The following SYN3 variants were observed in gnomAD, a reference collection of about 807,000 sequenced individuals.
The protein encoded by SYN3 is synapsin III.
SYN3 carries 35 observed loss-of-function variants against 65.8 expected under a neutral mutation model. The ratio of observed to expected loss-of-function variants is 0.53; its 90% CI spans 0.41 to 0.70. The LOEUF (loss-of-function observed/expected upper bound fraction) is 0.70. SYN3 is among the 30% of genes least tolerant of loss of function. The probability of loss-of-function intolerance (pLI) is 0.00; values close to 1 mark genes in which losing one functional copy is unlikely to be tolerated. For missense variants in SYN3, 680 were observed against 749.0 expected, an observed-to-expected ratio of 0.91 and a Z score of 1.08; for synonymous variants, 270 against 292.9, an observed-to-expected ratio of 0.92 and a Z score of 0.80.
intron 7 of SYN3, among the ~76,000 whole-genome samples, chr22:32,556,832 TTTTG>T (rs2058509032): frequency 1.5e-5 from 2 of 132,872 alleles, no homozygotes; most frequent in African/African-American, 5.6e-5. Flanking sequence ...TTTTTTTTTT[TTTTG>T]TGTGTAGAGA....
At chr22:33,041,171 C>T (rs1039965725) in intron 1 of SYN3, among the ~76,000 whole-genome samples, 1 of 152,146 alleles carries the variant, frequency 6.6e-6, no homozygotes, top group Non-Finnish European at 1.5e-5. Flanking sequence ...CCTGCCTCGG[C>T]CTCCCAAAGG....
At chr22:33,017,295 T>C (rs571037226) in intron 1 of SYN3, among the ~76,000 whole-genome samples, 8 of 152,376 alleles carry the variant, frequency 5.3e-5, no homozygotes, top group African/African-American at 1.9e-4. Context: ...TTTTGATTAC[T>C]ATAGCTTTGT....
intron 6 of SYN3, among the ~76,000 whole-genome samples, chr22:32,607,146 T>C (rs2059384002): frequency 6.6e-6 from 1 of 151,946 alleles, no homozygotes; most frequent in Admixed American, 6.6e-5. Context: ...CACAGTCTGC[T>C]CATCTGTTCT....
At chr22:32,799,518 T>C (rs763968241) in intron 6 of SYN3, among the ~76,000 whole-genome samples, 4 of 152,136 alleles carry the variant, frequency 2.6e-5, no homozygotes, top group Non-Finnish European at 5.9e-5. Context: ...AGGCCTTCCG[T>C]TGGAGAAAAT....
intron 1 of SYN3, among the ~76,000 whole-genome samples, chr22:33,053,575 T>C (rs1021546164): frequency 1.3e-5 from 2 of 152,240 alleles, no homozygotes; most frequent in East Asian, 1.9e-4. Context: ...ACAGAAAACA[T>C]AGACTCTCTT....
At chr22:32,586,715 C>T (rs1026125742) in intron 7 of SYN3, among the ~76,000 whole-genome samples, 9 of 151,970 alleles carry the variant, frequency 5.9e-5, no homozygotes, top group African/African-American at 1.7e-4. Flanking sequence ...AAAACTGCTG[C>T]GAGATTTCAT....
chr22:32,940,387 A>AT (rs137562), intron 3 of SYN3, among the ~76,000 whole-genome samples: 108,533 of 151,578 alleles, frequency 0.72, 39,113 homozygotes, highest in East Asian at 0.96. Context: ...ACAATTTAGT[A>AT]TTTTTTTTAC....
rs1263262798 is a variant in SYN3, at chr22:32,953,530, C to T, written c.370-22049G>A. 3.0e-4 allele frequency among the ~76,000 whole-genome samples: 10 copies of T among 33,042 alleles called. 1 individual carries two copies. The South Asian group carries it at 7.6e-3, about 25-fold the overall frequency. 21.7% of individuals were successfully genotyped at this position (33,042 alleles called of 152,430 possible). ...GGTAGCAAAACCTATTAATAAGGGG[C>T]GGGGGAGGGGGCTTTCCAGGCAGAG... On this transcript the variant is annotated intron_variant, in intron 3 of 13. Coordinates refer to ENST00000358763, the MANE Select transcript of SYN3 (RefSeq NM_003490.4).
At chr22:32,768,783 T>C (rs1226263091) in intron 6 of SYN3, among the ~76,000 whole-genome samples, 3 of 152,298 alleles carry the variant, frequency 2.0e-5, no homozygotes, top group South Asian at 2.1e-4. Context: ...CTATTTAACA[T>C]TGCTTCCTTT....
intron 6 of SYN3, among the ~76,000 whole-genome samples, chr22:32,706,436 C>T (rs570673876): frequency 8.5e-5 from 13 of 152,228 alleles, no homozygotes; most frequent in Non-Finnish European, 1.6e-4. Context: ...GCAGAAAATG[C>T]TAAAATTAGA....
At chr22:32,697,467 G>C (rs1180501549) in intron 6 of SYN3, among the ~76,000 whole-genome samples, 1 of 152,188 alleles carries the variant, frequency 6.6e-6, no homozygotes, top group Non-Finnish European at 1.5e-5. Flanking sequence ...AGGCATGTAA[G>C]AGGCATTCCA....
intron 2 of SYN3, among the ~76,000 whole-genome samples, chr22:32,991,367 A>ATAATAATAATAATAATAG (rs2052712723): frequency 6.7e-6 from 1 of 149,124 alleles, no homozygotes; most frequent in South Asian, 2.1e-4. Flanking sequence ...AATAATAATA[A>ATAATAATAATAATAATAG]TAATAGTAAT....
intron 1 of SYN3, among the ~76,000 whole-genome samples, chr22:33,022,116 C>T (rs752672008): frequency 6.6e-6 from 1 of 152,204 alleles, no homozygotes; most frequent in Non-Finnish European, 1.5e-5. Flanking sequence ...CCCTGTCCCC[C>T]ATGTAAACAC....
intron 7 of SYN3, chr22:32,583,783 T>C (rs1254348559): frequency 6.6e-6 from 1 of 152,200 alleles, no homozygotes; most frequent in Non-Finnish European, 1.5e-5. Flanking sequence ...ATACTGACCA[T>C]CTGCATCCTC....
intron 6 of SYN3, among the ~76,000 whole-genome samples, chr22:32,627,811 A>AT (rs34349165): frequency 3.3e-5 from 5 of 151,620 alleles, no homozygotes; most frequent in East Asian, 1.9e-4. Context: ...ACAGAGGAGC[A>AT]TTTTTTTTGT....
intron 6 of SYN3, among the ~76,000 whole-genome samples, chr22:32,672,559 C>T (rs904059024): frequency 6.6e-6 from 1 of 152,192 alleles, no homozygotes; most frequent in African/African-American, 2.4e-5. Flanking sequence ...GCAGGGATGG[C>T]CCCGCCATCC....
At chr22:32,606,537 G>A (rs2059374628) in intron 6 of SYN3, among the ~76,000 whole-genome samples, 1 of 152,198 alleles carries the variant, frequency 6.6e-6, no homozygotes, top group African/African-American at 2.4e-5. Flanking sequence ...TTAGAGGAGT[G>A]AAATGTGGAA....
At chr22:32,558,428 A>G (rs1601630645) in intron 7 of SYN3, among the ~76,000 whole-genome samples, 1 of 152,340 alleles carries the variant, frequency 6.6e-6, no homozygotes, top group South Asian at 2.1e-4. Flanking sequence ...GCCTGAAAGC[A>G]CCCAGCTAGT....
At chr22:32,546,676 G>A (rs1303932689) in intron 7 of SYN3, among the ~76,000 whole-genome samples, 5 of 152,064 alleles carry the variant, frequency 3.3e-5, no homozygotes, top group Admixed American at 6.5e-5. Context: ...TTGGCACTCC[G>A]CTTTATTTAC....
Sources: gnomAD v4.1 joint callset for allele counts (sites outside exome capture counted in the v4.1 genomes callset) on GRCh38, gnomAD v4.1.1 for gene constraint, MANE v1.5 for transcripts, NCBI Gene and HGNC (gene_info 2026-07-23, HGNC 2026-07-21) for gene names.